Variants in FOXN3 observed in about 807,000 individuals in gnomAD.
FOXN3 encodes the protein forkhead box N3, also known as forkhead box protein N3.
In FOXN3, 7 loss-of-function variants were observed where a neutral mutation model predicts 38.4. The ratio of observed to expected loss-of-function variants is 0.18; its 90% CI spans 0.10 to 0.34. The LOEUF (loss-of-function observed/expected upper bound fraction) is 0.34, where lower values mean the gene tolerates loss of function less well. FOXN3 is among the 10% of genes least tolerant of loss of function. The pLI, the probability that FOXN3 is intolerant of heterozygous loss-of-function variation, is 1.00. For missense variants in FOXN3, 456 were observed against 613.4 expected (o/e 0.74, Z 2.71); for synonymous variants, 230 against 242.2 (o/e 0.95, Z 0.47).
At chr14:89,332,762 A>C (rs1371221476) in intron 3 of FOXN3, among the ~76,000 whole-genome samples, 1 of 152,238 alleles carries the variant, frequency 6.6e-6, no homozygotes, top group East Asian at 1.9e-4. Flanking sequence ...AAAATGAAAA[A>C]GGCAACCTAC....
Position 89,162,903 on chromosome 14 carries a change from G to A in FOXN3, c.918C>T (p.Ser306=), listed in dbSNP as rs745487150. 3.7e-5 allele frequency: 59 copies of A among 1,600,702 alleles called. No homozygotes were observed. The highest frequency in any genetic ancestry group is 4.5e-5 in the East Asian group (2 of 44,608). ...SEPSCGSPVV[S]GDPKEDHNYS... is the part of the protein sequence containing the mutation. ...AGTTGTGATCCTCCTTGGGGTCTCC[G>A]CTGACCACTGGGGAGCCACAAGATG... is the stretch of plus-strand genomic sequence containing the variant. Residue 306 remains serine, a synonymous_variant, in exon 6 of 6, where the codon AGC becomes AGT. Coordinates refer to ENST00000557258, the MANE Select transcript of FOXN3 (RefSeq NM_005197.4). This position sits in a 1 kb window ranked among gnomAD's most constrained non-coding sequence, Gnocchi z 7.2.
intron 4 of FOXN3, among the ~76,000 whole-genome samples, chr14:89,209,461 A>T (rs1441539621): frequency 6.6e-6 from 1 of 152,264 alleles, no homozygotes; most frequent in East Asian, 1.9e-4. Flanking sequence ...CCAAAGTGTG[A>T]CATAAACAGT....
At chr14:89,406,615 T>A (rs898856869) in intron 2 of FOXN3, among the ~76,000 whole-genome samples, 1 of 152,202 alleles carries the variant, frequency 6.6e-6, no homozygotes, top group Non-Finnish European at 1.5e-5. Context: ...AGAAATCAGA[T>A]ACTGCATATG....
chr14:89,377,922 AC>A (rs1449116079), intron 2 of FOXN3, among the ~76,000 whole-genome samples: 1 of 152,230 alleles, frequency 6.6e-6, no homozygotes, highest in African/African-American at 2.4e-5. Flanking sequence ...ACACAGACAT[AC>A]ACAGAGAAGA....
chr14:89,377,118 C>T (rs1223557346), intron 2 of FOXN3, among the ~76,000 whole-genome samples: 1 of 142,542 alleles, frequency 7.0e-6, no homozygotes, highest in African/African-American at 2.6e-5. Context: ...TGAAAGACAC[C>T]ACAAGGAAAT....
chr14:89,509,713 C>T (rs912137152), intron 1 of FOXN3, among the ~76,000 whole-genome samples: 1 of 152,246 alleles, frequency 6.6e-6, no homozygotes, highest in South Asian at 2.1e-4. Flanking sequence ...TATCCCAGTA[C>T]AGGACACATA....
At chr14:89,374,522 C>T (rs1470202147) in intron 2 of FOXN3, among the ~76,000 whole-genome samples, 1 of 151,972 alleles carries the variant, frequency 6.6e-6, no homozygotes, top group East Asian at 1.9e-4. Flanking sequence ...AGAAATAATA[C>T]AAAACCCATC....
At chr14:89,345,881 G>A (rs1427290727) in intron 3 of FOXN3, among the ~76,000 whole-genome samples, 18 of 152,088 alleles carry the variant, frequency 1.2e-4, no homozygotes, top group African/African-American at 2.9e-4. Flanking sequence ...GTGAAACCCC[G>A]TCTCTACTAA....
At chr14:89,510,712 CCAG>C (rs765087288) in intron 1 of FOXN3, among the ~76,000 whole-genome samples, 4 of 152,152 alleles carry the variant, frequency 2.6e-5, no homozygotes, top group Non-Finnish European at 4.4e-5. Flanking sequence ...GAGGCCGAGG[CCAG>C]CAGATCACTT....
At chr14:89,379,447 C>CT (rs1165272828) in intron 2 of FOXN3, among the ~76,000 whole-genome samples, 1 of 152,136 alleles carries the variant, frequency 6.6e-6, no homozygotes. Flanking sequence ...TCAATGGCCT[C>CT]TACCTACTGG....
intron 1 of FOXN3, among the ~76,000 whole-genome samples, chr14:89,497,176 G>A (rs1281741308): frequency 6.6e-6 from 1 of 152,006 alleles, no homozygotes; most frequent in Non-Finnish European, 1.5e-5. Context: ...GGCTGGTCTA[G>A]AGCTCCTGAC....
intron 1 of FOXN3, among the ~76,000 whole-genome samples, chr14:89,611,532 C>T (rs527628509): frequency 8.5e-5 from 13 of 152,276 alleles, no homozygotes; most frequent in African/African-American, 2.2e-4. Flanking sequence ...TGAGGCCGGG[C>T]GCGGTGGCTC....
intron 3 of FOXN3, among the ~76,000 whole-genome samples, chr14:89,281,508 T>C (rs1886459359): frequency 6.6e-6 from 1 of 152,202 alleles, no homozygotes; most frequent in African/African-American, 2.4e-5. Context: ...ATCGATTTCC[T>C]CCTTCCCCCT....
chr14:89,488,551 G>T (rs1302506622), intron 1 of FOXN3, among the ~76,000 whole-genome samples: 1 of 151,590 alleles, frequency 6.6e-6, no homozygotes, highest in African/African-American at 2.4e-5. Flanking sequence ...CACCTAGGAG[G>T]CTGAAGAGGG....
At chr14:89,335,808 T>A (rs538247875) in intron 3 of FOXN3, among the ~76,000 whole-genome samples, 88 of 152,246 alleles carry the variant, frequency 5.8e-4, no homozygotes, top group East Asian at 1.4e-3. Flanking sequence ...TAATTTTTTT[T>A]AAAAAAACTA....
chr14:89,306,164 T>G (rs773748119), intron 3 of FOXN3, among the ~76,000 whole-genome samples: 3 of 151,516 alleles, frequency 2.0e-5, no homozygotes, highest in Non-Finnish European at 4.4e-5. Context: ...TGGAGAAGAG[T>G]TTTTCAGTCC....
At chr14:89,290,126 A>C (rs1303200629) in intron 3 of FOXN3, 1 of 178,860 alleles carries the variant, frequency 5.6e-6, no homozygotes, top group Non-Finnish European at 1.2e-5. Context: ...ACTAAAGTGG[A>C]AGGTGCTTCT....
chr14:89,366,179 G>A (rs1471999833), intron 2 of FOXN3, among the ~76,000 whole-genome samples: 1 of 152,048 alleles, frequency 6.6e-6, no homozygotes, highest in Non-Finnish European at 1.5e-5. Context: ...CATGAACCCG[G>A]GAGGCGGAGT....
At chr14:89,466,903 A>G (rs1892983123) in intron 1 of FOXN3, among the ~76,000 whole-genome samples, 1 of 152,234 alleles carries the variant, frequency 6.6e-6, no homozygotes, top group Non-Finnish European at 1.5e-5. Flanking sequence ...GGCAGAAGAA[A>G]GGGAGAACAT....
Sources: gnomAD v4.1 joint callset for allele counts (sites outside exome capture counted in the v4.1 genomes callset) on GRCh38, gnomAD v4.1.1 for gene constraint, Gnocchi (gnomAD v3.1) non-coding constraint, MANE v1.5 for transcripts, NCBI Gene and HGNC (gene_info 2026-07-23, HGNC 2026-07-21) for gene names.